HDAC4: variants seen among roughly 807,000 people sequenced by gnomAD.
HDAC4 encodes histone deacetylase A.
Under a neutral mutation model 135.1 loss-of-function variants are expected in HDAC4, and 16 were observed. The ratio of observed to expected loss-of-function variants is 0.12; its 90% CI spans 0.08 to 0.18. The LOEUF is 0.18. Among genes scored for constraint, HDAC4 ranks in the 10% least tolerant of loss-of-function variants. The pLI is 1.00. For missense variants in HDAC4, 1,143 were observed against 1,511.8 expected, an observed-to-expected ratio of 0.76 and a Z score of 4.05; for synonymous variants, 685 against 653.4, an observed-to-expected ratio of 1.05 and a Z score of -0.74.
rs578147521 is a variant in HDAC4, at chr2:239,141,404, C to A, written c.866-1608G>T. 1.3e-5 allele frequency among the ~76,000 whole-genome samples: 2 copies of A among 152,198 alleles called. No individual in the cohort carries two copies. The highest frequency in any genetic ancestry group is 1.3e-4 in the Admixed American group (2 of 15,284). On this transcript the variant is annotated intron_variant, in intron 8 of 26. Coordinates refer to ENST00000543185, the MANE Select transcript of HDAC4 (RefSeq NM_001378414.1). The surrounding 1 kb of genome is among the most constrained non-coding windows in gnomAD (Gnocchi z 4.9). ...GCATGAATACAGGACTGGGTCCCGA[C>A]CCTACCCCATCCTCTTTCTTTCCCT... is the stretch of plus-strand genomic sequence containing the variant.
At chr2:239,174,131 A>G (rs2043611219) in intron 5 of HDAC4, among the ~76,000 whole-genome samples, 1 of 152,228 alleles carries the variant, frequency 6.6e-6, no homozygotes, top group Non-Finnish European at 1.5e-5. Flanking sequence ...TTCTGAAGAA[A>G]GGAAAGATTT....
chr2:239,198,838 A>G (rs1439056643), intron 3 of HDAC4, among the ~76,000 whole-genome samples: 2 of 152,164 alleles, frequency 1.3e-5, no homozygotes, highest in Non-Finnish European at 2.9e-5. Context: ...AGTGTAATCA[A>G]GCCGATCTCA....
chr2:239,270,284 C>A (rs2049987089), intron 2 of HDAC4, among the ~76,000 whole-genome samples: 1 of 152,150 alleles, frequency 6.6e-6, no homozygotes, highest in Non-Finnish European at 1.5e-5. Context: ...TTGGTGACAC[C>A]TTGGAGAGGG....
At chr2:239,228,699 A>G (rs2047379665) in intron 3 of HDAC4, among the ~76,000 whole-genome samples, 1 of 152,194 alleles carries the variant, frequency 6.6e-6, no homozygotes, top group South Asian at 2.1e-4. Context: ...ACCTTGAAAA[A>G]TAACACCTTT....
intron 2 of HDAC4, among the ~76,000 whole-genome samples, chr2:239,290,419 G>A (rs1425742354): frequency 1.3e-5 from 2 of 152,232 alleles, no homozygotes; most frequent in African/African-American, 4.8e-5. Context: ...ATTTTATGTG[G>A]CTGAAGGACA....
intron 22 of HDAC4, among the ~76,000 whole-genome samples, chr2:239,078,849 G>T (rs1268146999): frequency 6.6e-6 from 1 of 152,232 alleles, no homozygotes; most frequent in Non-Finnish European, 1.5e-5. Flanking sequence ...TGGGGTGAGG[G>T]TGGCTCCATC....
In HDAC4 at chr2:239,134,557, C is replaced by A; in HGVS notation, c.1065G>T (p.Thr355=). The A allele has an allele frequency of 4.3e-6, 7 of 1,614,108 alleles. No homozygotes were observed. Among genetic ancestry groups the A allele is most frequent in the Non-Finnish European group, 5.9e-6 (7 of 1,180,016 alleles). The part of the protein sequence containing the change: ...LYTSPSLPNI[T]LGLPATGPSA... ...AGGGGCCGGTGGCAGGCAGGCCCAG[C>A]GTGATGTTGGGCAAGGATGGCGATG... The change falls in exon 10 of 27, where the codon ACG becomes ACT. Residue 355 remains threonine (T), a synonymous_variant. Coordinates refer to ENST00000543185, the MANE Select transcript of HDAC4 (RefSeq NM_001378414.1).
intron 7 of HDAC4, among the ~76,000 whole-genome samples, chr2:239,151,144 C>T (rs967962752): frequency 5.9e-5 from 9 of 152,256 alleles, no homozygotes; most frequent in African/African-American, 2.2e-4. Flanking sequence ...TCACAGTACC[C>T]TGAGCCTACT....
chr2:239,234,560 G>A (rs190959147), intron 3 of HDAC4, among the ~76,000 whole-genome samples: 14 of 152,294 alleles, frequency 9.2e-5, no homozygotes, highest in Admixed American at 2.6e-4. Flanking sequence ...ATTTATTGAG[G>A]AACTACTAAA....
At chr2:239,387,071 G>T (rs545957528) in intron 1 of HDAC4, among the ~76,000 whole-genome samples, 4 of 151,438 alleles carry the variant, frequency 2.6e-5, no homozygotes, top group Non-Finnish European at 5.9e-5. Context: ...GTGCGTGTCC[G>T]GGGAGCACGA....
chr2:239,260,638 T>A (rs1399955727), intron 2 of HDAC4, among the ~76,000 whole-genome samples: 2 of 152,116 alleles, frequency 1.3e-5, no homozygotes, highest in Non-Finnish European at 2.9e-5. Context: ...GTGGCCCTGC[T>A]GTGTGGCCTG....
At position 239,052,665 on chromosome 2, in the gene HDAC4, T is replaced by A. The variant is rs2031041771; in HGVS notation, c.*432A>T. On this transcript the variant is annotated 3_prime_UTR_variant, in exon 27 of 27. Coordinates refer to ENST00000543185, the MANE Select transcript of HDAC4 (RefSeq NM_001378414.1). Reference sequence around the variant, plus strand: ...GGTTTACACAGAGACTGTGGAGTTGTGGGTAATAAACTTTAAGCACCAGTT... The same window carrying A: ...GGTTTACACAGAGACTGTGGAGTTGAGGGTAATAAACTTTAAGCACCAGTT... The A allele has an allele frequency of 4.3e-6, 1 of 234,388 alleles. No homozygotes were observed. The highest frequency in any genetic ancestry group is 2.3e-5 in the African/African-American group (1 of 44,288). 14.5% of individuals were successfully genotyped at this position (234,388 alleles called of 1,614,324 possible).
intron 15 of HDAC4, among the ~76,000 whole-genome samples, chr2:239,103,986 T>C (rs2037895794): frequency 6.6e-6 from 1 of 152,208 alleles, no homozygotes; most frequent in Admixed American, 6.5e-5. Context: ...TCTCTTCTCA[T>C]GAACAACAAT....
At chr2:239,080,716 A>G (rs2035229788) in intron 22 of HDAC4, among the ~76,000 whole-genome samples, 1 of 152,362 alleles carries the variant, frequency 6.6e-6, no homozygotes, top group African/African-American at 2.4e-5. Flanking sequence ...ATTGGACATC[A>G]CATCACAGGA....
rs1009754744 is a variant in HDAC4, at chr2:239,339,895, C to T, written c.22+12783G>A. Among the ~76,000 whole-genome samples, 4 of 152,180 alleles carry T rather than the reference C, an allele frequency of 2.6e-5. No homozygotes were observed. The South Asian group carries it at 8.3e-4, about 32-fold the overall frequency. The stretch of plus-strand genomic sequence containing the variant: ...AGTTCAAGGAAACCGCAGCCAAGAA[C>T]CAAGAAAGCCACATCCATGCTCAGG... On this transcript the variant is annotated intron_variant, in intron 2 of 26. Coordinates refer to ENST00000543185, the MANE Select transcript of HDAC4 (RefSeq NM_001378414.1).
At chr2:239,389,997 G>C (rs1696092910) in intron 1 of HDAC4, among the ~76,000 whole-genome samples, 1 of 152,208 alleles carries the variant, frequency 6.6e-6, no homozygotes, top group African/African-American at 2.4e-5. Context: ...GAACCAGCCA[G>C]TGTATATAAC....
chr2:239,269,092 G>A (rs917933873), intron 2 of HDAC4, among the ~76,000 whole-genome samples: 1 of 152,080 alleles, frequency 6.6e-6, no homozygotes, highest in African/African-American at 2.4e-5. Context: ...CCAGCAGATG[G>A]AAGCCATCCA....
At chr2:239,203,785 T>C (rs531052533) in intron 3 of HDAC4, among the ~76,000 whole-genome samples, 1 of 152,186 alleles carries the variant, frequency 6.6e-6, no homozygotes, top group South Asian at 2.1e-4. Context: ...TGCAAAGCAG[T>C]GGAGATGAGG....
chr2:239,185,391 C>T (rs1238506330), intron 4 of HDAC4, among the ~76,000 whole-genome samples: 12 of 149,186 alleles, frequency 8.0e-5, no homozygotes, highest in Admixed American at 8.0e-4. Flanking sequence ...GGGGGTGCCC[C>T]ACGCCTCCTG....
Sources: allele counts gnomAD v4.1 joint callset (sites outside exome capture counted in the v4.1 genomes callset), GRCh38; gene constraint gnomAD v4.1.1; non-coding constraint Gnocchi (gnomAD v3.1); transcripts MANE v1.5; gene names NCBI Gene and HGNC (gene_info 2026-07-23, HGNC 2026-07-21).